The following DOCK8 variants were observed in gnomAD, a reference collection of about 807,000 sequenced individuals.
DOCK8 encodes the protein dedicator of cytokinesis protein 8.
In DOCK8, 141 loss-of-function variants were observed where a neutral mutation model predicts 245.6. The observed-to-expected ratio is 0.57, with a 90% CI of 0.50 to 0.66. The LOEUF (loss-of-function observed/expected upper bound fraction) is 0.66. Ranked by LOEUF, DOCK8 falls within the 30% of genes least tolerant of loss-of-function variation. The pLI is 0.00. For missense variants in DOCK8, 2,965 were observed against 2,603.4 expected (o/e 1.14, Z -3.02); for synonymous variants, 1,168 against 970.2 (o/e 1.20, Z -3.79).
intron 1 of DOCK8, among the ~76,000 whole-genome samples, chr9:251,961 A>G (rs2131466764): frequency 6.8e-6 from 1 of 147,826 alleles, no homozygotes; most frequent in East Asian, 2.0e-4. Flanking sequence ...AAGCGAGAGC[A>G]ATTGTGTTTT....
chr9:214,759 C>T (rs1278903857), upstream of DOCK8: 2 of 1,533,886 alleles, frequency 1.3e-6, no homozygotes, highest in Non-Finnish European at 8.8e-7. Flanking sequence ...GCTGCCTGCG[C>T]GCCAGGCCGG....
chr9:327,011 T>C (rs1020445942), intron 8 of DOCK8, among the ~76,000 whole-genome samples: 1 of 152,208 alleles, frequency 6.6e-6, no homozygotes, highest in African/African-American at 2.4e-5. Flanking sequence ...GTTCACATCA[T>C]GCTCTTGCTC....
intron 35 of DOCK8, among the ~76,000 whole-genome samples, 192 bp from the exon 36 acceptor site, chr9:429,510 A>G (rs1268636113): frequency 1.3e-5 from 2 of 152,222 alleles, no homozygotes; most frequent in African/African-American, 4.8e-5. Flanking sequence ...TGGACAGTTC[A>G]TTATTAAATC....
At position 433,986 on chromosome 9, in the gene DOCK8, C is replaced by T. The variant is rs764064147; in HGVS notation, c.4886+11C>T. 3.8e-6 allele frequency: 6 copies of T among 1,591,050 alleles called. No individual in the cohort carries two copies. The South Asian group carries it at 4.4e-5, about 12-fold the overall frequency. On this transcript the variant is annotated intron_variant, in intron 38 of 47. Coordinates refer to ENST00000432829, the MANE Select transcript of DOCK8 (RefSeq NM_203447.4). Reference sequence around the variant, plus strand: ...GGATCTCATGTACAGGTAAGCTTTCCTGACACACTCAAGGGACACCATTTG... The same window carrying T: ...GGATCTCATGTACAGGTAAGCTTTCTTGACACACTCAAGGGACACCATTTG...
chr9:370,214 C>A lies in DOCK8; in HGVS notation c.1798-16C>A, dbSNP rs775695862. The A allele has an allele frequency of 3.1e-6, 5 of 1,609,526 alleles. No homozygotes were observed. The highest frequency in any genetic ancestry group is 4.3e-6 in the Non-Finnish European group (5 of 1,175,920). ...AATGTTACTGATAATTTGATCCTTTCTCTACTGGTGAACAGGTCATCTTTG... is the reference window on the plus strand; with the variant it reads ...AATGTTACTGATAATTTGATCCTTTATCTACTGGTGAACAGGTCATCTTTG... On this transcript the variant is annotated splice_polypyrimidine_tract_variant and intron_variant, in intron 15 of 47. Coordinates refer to ENST00000432829, the MANE Select transcript of DOCK8 (RefSeq NM_203447.4).
At chr9:298,618 A>AGAGTGT (rs112732647) in intron 4 of DOCK8, among the ~76,000 whole-genome samples, 3 of 145,306 alleles carry the variant, frequency 2.1e-5, no homozygotes, top group African/African-American at 5.1e-5. Context: ...CACATCTGTA[A>AGAGTGT]GTGTGTGTGT....
At chr9:280,934 T>G (rs1258906578) in intron 2 of DOCK8, 1 of 152,220 alleles carries the variant, frequency 6.6e-6, no homozygotes, top group Non-Finnish European at 1.5e-5. Context: ...GCATTTGCAT[T>G]TGCAGTCTTA....
intron 1 of DOCK8, among the ~76,000 whole-genome samples, chr9:232,653 A>G (rs2047143351): frequency 6.6e-6 from 1 of 152,006 alleles, no homozygotes; most frequent in African/African-American, 2.4e-5. Context: ...GAATTTATCC[A>G]TTTCTTCTAG....
chr9:381,820 CGTG>C (rs1471016688), intron 21 of DOCK8, among the ~76,000 whole-genome samples: 4 of 151,916 alleles, frequency 2.6e-5, no homozygotes, highest in Admixed American at 6.6e-5. Flanking sequence ...ATTAGCCAGT[CGTG>C]GTGGCGGGTG....
rs1322181469 is a variant in DOCK8 at position 271,654 on chromosome 9, G to C, written c.81G>C (p.Gln27His). 1.9e-6 allele frequency: 3 copies of C among 1,551,286 alleles called. No homozygotes were observed. The highest frequency in any genetic ancestry group is 3.9e-5 in the Admixed American group (2 of 50,948). Reference sequence around the variant, plus strand: ...ATTCTTCAGCGGAAATAAGGAAACAGTTTACTCTCCCACCAAACCTTGGCC... The same window carrying C: ...ATTCTTCAGCGGAAATAAGGAAACACTTTACTCTCCCACCAAACCTTGGCC... ...NRYSSAEIRK[Q>H]FTLPPNLGQY... Residue 27 changes from glutamine to histidine, a missense_variant, in exon 2 of 48, where the codon CAG becomes CAC. Coordinates refer to ENST00000432829, the MANE Select transcript of DOCK8 (RefSeq NM_203447.4).
intron 4 of DOCK8, among the ~76,000 whole-genome samples, chr9:292,671 A>T (rs1187866735): frequency 6.6e-6 from 1 of 151,632 alleles, no homozygotes; most frequent in Non-Finnish European, 1.5e-5. Flanking sequence ...TAAAGATATT[A>T]AGCCTTGTCT....
chr9:212,998 T>G (rs537221097), upstream of DOCK8: 141 of 152,334 alleles, frequency 9.3e-4, no homozygotes, highest in African/African-American at 3.3e-3. Context: ...TCGTTGAGTC[T>G]CAGTTTGAAG....
intron 26 of DOCK8, among the ~76,000 whole-genome samples, chr9:401,701 A>G (rs943526666): frequency 6.6e-6 from 1 of 152,118 alleles, no homozygotes; most frequent in South Asian, 2.1e-4. Flanking sequence ...TAAACAACCG[A>G]GGGGCCAATA....
chr9:291,480 A>C (rs1371998068), intron 4 of DOCK8, among the ~76,000 whole-genome samples: 1 of 152,206 alleles, frequency 6.6e-6, no homozygotes, highest in Non-Finnish European at 1.5e-5. Flanking sequence ...TCATTTTTGT[A>C]ACATGCATTT....
At chr9:425,491 CA>C (rs1303981265) in intron 33 of DOCK8, among the ~76,000 whole-genome samples, 7 of 144,060 alleles carry the variant, frequency 4.9e-5, no homozygotes, top group Non-Finnish European at 1.0e-4. Context: ...AAGATTGCGC[CA>C]CTGCACTCTG....
intron 39 of DOCK8, among the ~76,000 whole-genome samples, 189 bp from the exon 40 acceptor site, chr9:439,056 G>T (rs1019735465): frequency 1.3e-5 from 2 of 152,210 alleles, no homozygotes; most frequent in Non-Finnish European, 2.9e-5. Flanking sequence ...TTGAAGACCA[G>T]TTGCTCAGTG....
At chr9:411,414 AAAT>A (rs56390475) in intron 28 of DOCK8, among the ~76,000 whole-genome samples, 55,998 of 148,304 alleles carry the variant, frequency 0.38, 10,548 homozygotes, top group East Asian at 0.52. Flanking sequence ...ACTCCATCAC[AAAT>A]AATAATAATA....
chr9:240,671 T>G (rs1428650502), intron 1 of DOCK8, among the ~76,000 whole-genome samples: 5 of 152,162 alleles, frequency 3.3e-5, no homozygotes, highest in Admixed American at 1.3e-4. Flanking sequence ...ATTGAATTAA[T>G]TAATTCATCC....
At chr9:355,410 G>A (rs2052388345) in intron 14 of DOCK8, among the ~76,000 whole-genome samples, 1 of 151,756 alleles carries the variant, frequency 6.6e-6, no homozygotes, top group South Asian at 2.1e-4. Context: ...CACCTTGTTG[G>A]CCAGGATGGT....
Sources: gnomAD v4.1 joint callset for allele counts (sites outside exome capture counted in the v4.1 genomes callset) on GRCh38, gnomAD v4.1.1 for gene constraint, MANE v1.5 for transcripts, NCBI Gene and HGNC (gene_info 2026-07-23, HGNC 2026-07-21) for gene names.